The following PCDHGA11 variants were observed in gnomAD, a reference collection of about 807,000 sequenced individuals.
The protein encoded by PCDHGA11 is protocadherin gamma subfamily A, 11.
PCDHGA11 carries 39 observed loss-of-function variants against 60.4 expected under a neutral mutation model. The observed-to-expected ratio is 0.65, with a 90% CI of 0.50 to 0.84. The LOEUF (loss-of-function observed/expected upper bound fraction) is 0.84. Among genes scored for constraint, PCDHGA11 ranks in the 40% least tolerant of loss-of-function variants. The probability of loss-of-function intolerance (pLI) is 0.00; values close to 1 mark genes in which losing one functional copy is unlikely to be tolerated. For missense variants in PCDHGA11, 1,165 were observed against 1,197.7 expected (o/e 0.97, Z 0.40); for synonymous variants, 533 against 510.3 (o/e 1.04, Z -0.60).
intron 1 of PCDHGA11, among the ~76,000 whole-genome samples, chr5:141,437,629 G>A (rs538730617): frequency 6.6e-6 from 1 of 152,284 alleles, no homozygotes; most frequent in Non-Finnish European, 1.5e-5. Flanking sequence ...CATATAAGAT[G>A]TCAGGTTCAG....
intron 2 of PCDHGA11, among the ~76,000 whole-genome samples, chr5:141,503,334 C>T (rs2099819255): frequency 6.6e-6 from 1 of 152,072 alleles, no homozygotes; most frequent in Admixed American, 6.6e-5. Context: ...CGGTGGCTCA[C>T]GCCTGTAATT....
Position 141,489,375 on chromosome 5 carries a change from G to C in PCDHGA11, c.2434-5432G>C. On this transcript the variant is annotated intron_variant, in intron 1 of 3. Coordinates refer to ENST00000398587, the MANE Select transcript of PCDHGA11 (RefSeq NM_018914.3). The surrounding 1 kb of genome is among the most constrained non-coding windows in gnomAD (Gnocchi z 4.5). ...AGGAGTCTGAGCCGGGGACGCTGGT[G>C]GGGAATGTTGCTCAGGATCTGGGCT... 1 of 1,613,826 alleles carries C rather than the reference G, an allele frequency of 6.2e-7. No homozygotes were observed.
intron 3 of PCDHGA11, among the ~76,000 whole-genome samples, chr5:141,508,943 CAG>C (rs1562237475): frequency 1.3e-5 from 2 of 151,982 alleles, no homozygotes; most frequent in Admixed American, 6.6e-5. Context: ...TTAGGGAAAA[CAG>C]AGAAATGTCA....
chr5:141,469,283 T>C (rs576231993), intron 1 of PCDHGA11, among the ~76,000 whole-genome samples: 1 of 149,898 alleles, frequency 6.7e-6, no homozygotes, highest in African/African-American at 2.5e-5. Flanking sequence ...TCTCAAAAAA[T>C]AAAACAAAAT....
intron 1 of PCDHGA11, chr5:141,433,139 T>G: frequency 6.2e-7 from 1 of 1,614,068 alleles, no homozygotes; most frequent in Non-Finnish European, 8.5e-7. Context: ...CCTTTTGCTG[T>G]CAGGTGATTC....
Position 141,490,397 on chromosome 5 carries a change from G to A in PCDHGA11, c.2434-4410G>A. 6.2e-7 allele frequency: 1 copy of A among 1,614,170 alleles called. No individual in the cohort carries two copies. Among genetic ancestry groups the A allele is most frequent in the South Asian group, 1.1e-5 (1 of 91,080 alleles). On this transcript the variant is annotated intron_variant, in intron 1 of 3. Coordinates refer to ENST00000398587, the MANE Select transcript of PCDHGA11 (RefSeq NM_018914.3). This position sits in a 1 kb window ranked among gnomAD's most constrained non-coding sequence, Gnocchi z 5.4. ...GACTCAGGTAGAAATGGTGAAGTGA[G>A]CCTTGATATCTCTCCGGACCTGCCA...
chr5:141,423,594 C>A lies in PCDHGA11; in HGVS notation c.2367C>A (p.Ser789Arg). 1 of 1,599,308 alleles carries A rather than the reference C, an allele frequency of 6.3e-7. No homozygotes were observed. Among genetic ancestry groups the A allele is most frequent in the South Asian group, 1.1e-5 (1 of 89,822 alleles). The change falls in exon 1 of 4, where the codon AGC becomes AGA. Residue 789 changes from serine (S) to arginine (R), a missense_variant. By Grantham distance (110) the Ser-to-Arg change is moderately radical. Coordinates refer to ENST00000398587, the MANE Select transcript of PCDHGA11 (RefSeq NM_018914.3). ...TLISQESCEK[S>R]EPLLIAEDSA... is the part of the protein sequence containing the mutation. Reference sequence around the variant, plus strand: ...TCAGCCAGGAGAGCTGTGAGAAAAGCGAGCCACTCTTGATAGCTGAAGACT... The same window carrying A: ...TCAGCCAGGAGAGCTGTGAGAAAAGAGAGCCACTCTTGATAGCTGAAGACT...
intron 1 of PCDHGA11, chr5:141,427,894 C>T (rs974220302): frequency 1.3e-6 from 2 of 1,568,222 alleles, no homozygotes; most frequent in East Asian, 2.2e-5. Flanking sequence ...GACCAGGGCT[C>T]GCCCGCGCTC....
rs761227475 is a variant in PCDHGA11 at position 141,489,382 on chromosome 5, G to A, written c.2434-5425G>A. 4 of 1,613,872 alleles carry A rather than the reference G, an allele frequency of 2.5e-6. No homozygotes were observed. The highest frequency in any genetic ancestry group is 1.7e-5 in the Admixed American group (1 of 60,006). On this transcript the variant is annotated intron_variant, in intron 1 of 3. Coordinates refer to ENST00000398587, the MANE Select transcript of PCDHGA11 (RefSeq NM_018914.3). The surrounding 1 kb of genome is among the most constrained non-coding windows in gnomAD (Gnocchi z 4.5). ...TGAGCCGGGGACGCTGGTGGGGAATGTTGCTCAGGATCTGGGCTTAAAGAT... is the reference window on the plus strand; with the variant it reads ...TGAGCCGGGGACGCTGGTGGGGAATATTGCTCAGGATCTGGGCTTAAAGAT...
Position 141,487,928 on chromosome 5 carries a change from A to G in PCDHGA11, c.2434-6879A>G. Reference sequence around the variant, plus strand: ...GGGAGCACAGGAGGCTACAGTGCACAGGGTACAGTGCACCAGGCAGTCACT... The same window carrying G: ...GGGAGCACAGGAGGCTACAGTGCACGGGGTACAGTGCACCAGGCAGTCACT... On this transcript the variant is annotated intron_variant, in intron 1 of 3. Transcript: ENST00000398587. The surrounding 1 kb of genome is among the most constrained non-coding windows in gnomAD (Gnocchi z 5.0). The G allele has an allele frequency of 3.2e-6, 2 of 620,886 alleles. No homozygotes were observed. The highest frequency in any genetic ancestry group is 5.6e-6 in the Non-Finnish European group (2 of 355,916). The allele number at this position is 620,886 out of a possible 1,614,324, so 38.5% of individuals were successfully genotyped here. A position where few individuals can be genotyped will look rare whatever the true frequency, so the allele number is the denominator to read the frequency against.
chr5:141,432,935 C>T lies in PCDHGA11; in HGVS notation c.2433+9275C>T. The T allele has an allele frequency of 4.3e-6, 7 of 1,614,218 alleles. No homozygotes were observed. The highest frequency in any genetic ancestry group is 5.1e-6 in the Non-Finnish European group (6 of 1,180,046). On this transcript the variant is annotated intron_variant, in intron 1 of 3. Transcript: ENST00000398587. This position sits in a 1 kb window ranked among gnomAD's most constrained non-coding sequence, Gnocchi z 6.0. The stretch of plus-strand genomic sequence containing the variant: ...GCGCTGGCACAAGTCACGCCTGCTG[C>T]AGGCTTCAGGAGGCGGCTTGACAGG...
At chr5:141,478,904 T>G in intron 1 of PCDHGA11, 1 of 958,800 alleles carries the variant, frequency 1.0e-6, no homozygotes, top group Non-Finnish European at 1.5e-6. Context: ...AGGAATAAGC[T>G]GCTGGATACC....
Position 141,476,374 on chromosome 5 carries a change from G to A in PCDHGA11, c.2434-18433G>A. 1.2e-6 allele frequency: 2 copies of A among 1,614,178 alleles called. No individual in the cohort carries two copies. Among genetic ancestry groups the A allele is most frequent in the Non-Finnish European group, 1.7e-6 (2 of 1,180,044 alleles). On this transcript the variant is annotated intron_variant, in intron 1 of 3. Transcript: ENST00000398587. This position sits in a 1 kb window ranked among gnomAD's most constrained non-coding sequence, Gnocchi z 7.6. ...AGGTGAACCGGGAGACCGGAGAGATGTTTGTGAACGACCGTCTGGATCGAG... is the reference window on the plus strand; with the variant it reads ...AGGTGAACCGGGAGACCGGAGAGATATTTGTGAACGACCGTCTGGATCGAG...
chr5:141,505,434 A>C lies in PCDHGA11; in HGVS notation c.2534A>C (p.Gln845Pro), dbSNP rs1417754900. 1 of 1,614,198 alleles carries C rather than the reference A, an allele frequency of 6.2e-7. No homozygotes were observed. The highest frequency in any genetic ancestry group is 1.7e-5 in the Admixed American group (1 of 60,032). The change falls in exon 3 of 4, where the codon CAG (glutamine) becomes CCG (proline). Residue 845 changes from glutamine (Q) to proline (P), a missense_variant. Gln to Pro is a moderately conservative substitution (Grantham distance 76). Coordinates refer to ENST00000398587, the MANE Select transcript of PCDHGA11 (RefSeq NM_018914.3). ...GACACCGGCACCTGGCCCAACAACCAGTTTGACACAGAGATGCTGCAAGCC... is the reference window on the plus strand; with the variant it reads ...GACACCGGCACCTGGCCCAACAACCCGTTTGACACAGAGATGCTGCAAGCC... ...GDDTGTWPNN[Q>P]FDTEMLQAMI...
intron 2 of PCDHGA11, 141 bp downstream of exon 2, chr5:141,495,006 G>C (rs1030195663): frequency 2.0e-6 from 3 of 1,521,446 alleles, no homozygotes; most frequent in Non-Finnish European, 8.8e-7. Flanking sequence ...CTTGGTGTGC[G>C]GGGGGCTGGC....
intron 1 of PCDHGA11, among the ~76,000 whole-genome samples, chr5:141,488,463 C>T (rs926068842): frequency 6.6e-6 from 1 of 152,164 alleles, no homozygotes; most frequent in African/African-American, 2.4e-5. Flanking sequence ...GATTCAGCCC[C>T]AGAAATGTTC....
chr5:141,498,230 C>T (rs2099782452), intron 2 of PCDHGA11, among the ~76,000 whole-genome samples: 1 of 152,200 alleles, frequency 6.6e-6, no homozygotes, highest in African/African-American at 2.4e-5. Flanking sequence ...GATGGTCAGG[C>T]ATACCAGCTT....
At chr5:141,448,449 T>C (rs528049717) in intron 1 of PCDHGA11, among the ~76,000 whole-genome samples, 1 of 152,284 alleles carries the variant, frequency 6.6e-6, no homozygotes, top group South Asian at 2.1e-4. Context: ...CTGACTTCCA[T>C]CCCTATCCTA....
chr5:141,491,800 C>T lies in PCDHGA11; in HGVS notation c.2434-3007C>T. The T allele has an allele frequency of 6.7e-7, 1 of 1,500,854 alleles. No individual in the cohort carries two copies. Among genetic ancestry groups the T allele is most frequent in the Non-Finnish European group, 8.9e-7 (1 of 1,125,316 alleles). 93.0% of individuals were successfully genotyped at this position (1,500,854 alleles called of 1,614,324 possible). A position where few individuals can be genotyped will look rare whatever the true frequency, so the allele number is the denominator to read the frequency against. Reference sequence around the variant, plus strand: ...GAACTTGCATCCACTCCTCTCCGGCCGGCTTGGTCGCTGGCTGCGCTCCAC... The same window carrying T: ...GAACTTGCATCCACTCCTCTCCGGCTGGCTTGGTCGCTGGCTGCGCTCCAC... On this transcript the variant is annotated intron_variant, in intron 1 of 3. Transcript: ENST00000398587. The surrounding 1 kb of genome is among the most constrained non-coding windows in gnomAD (Gnocchi z 6.9).
Sources: allele counts gnomAD v4.1 joint callset (sites outside exome capture counted in the v4.1 genomes callset), GRCh38; gene constraint gnomAD v4.1.1; non-coding constraint Gnocchi (gnomAD v3.1); transcripts MANE v1.5; gene names NCBI Gene and HGNC (gene_info 2026-07-23, HGNC 2026-07-21).